The following ADAM12 variants were observed in gnomAD, a reference collection of about 807,000 sequenced individuals.
The protein encoded by ADAM12 is disintegrin and metalloproteinase domain-containing protein 12.
Under a neutral mutation model 106.4 loss-of-function variants are expected in ADAM12, and 70 were observed. That is an observed-to-expected ratio of 0.66 (90% CI 0.54 to 0.80). ADAM12 has a LOEUF of 0.80. Ranked by LOEUF, ADAM12 falls within the 30% of genes least tolerant of loss-of-function variation. ADAM12 has a pLI of 0.00. For synonymous variants in ADAM12, 420 were observed against 433.5 expected (o/e 0.97, Z 0.39); for missense variants, 1,010 against 1,171.9 (o/e 0.86, Z 2.02).
intron 8 of ADAM12, among the ~76,000 whole-genome samples, chr10:126,104,101 G>A (rs1209981992): frequency 2.0e-5 from 3 of 152,208 alleles, no homozygotes; most frequent in South Asian, 4.1e-4. Flanking sequence ...CAGGCAACTG[G>A]TTTGGGACAG....
chr10:126,282,467 T>C (rs909338652), intron 2 of ADAM12, among the ~76,000 whole-genome samples: 1 of 152,206 alleles, frequency 6.6e-6, no homozygotes, highest in Non-Finnish European at 1.5e-5. Context: ...TTAATCATTA[T>C]CTTGATTTCC....
chr10:126,131,219 C>A (rs12248384), intron 5 of ADAM12, among the ~76,000 whole-genome samples: 28,067 of 150,168 alleles, frequency 0.19, 2,782 homozygotes, highest in Middle Eastern at 0.31. Flanking sequence ...TTCCCTCAAC[C>A]TGGTCCAGGA....
At chr10:126,035,588 CCCTT>C (rs767330181) in intron 21 of ADAM12, among the ~76,000 whole-genome samples, 5 of 152,266 alleles carry the variant, frequency 3.3e-5, no homozygotes, top group South Asian at 2.1e-4. Context: ...GTTTTCTCCT[CCCTT>C]CAAGTTTTCT....
At chr10:126,132,549 T>C (rs1956327265) in intron 5 of ADAM12, among the ~76,000 whole-genome samples, 1 of 132,532 alleles carries the variant, frequency 7.5e-6, no homozygotes, top group Admixed American at 7.9e-5. Flanking sequence ...ACTAGTCCAG[T>C]CCCAGAATCA....
intron 11 of ADAM12, among the ~76,000 whole-genome samples, chr10:126,090,005 G>T (rs915396492): frequency 6.6e-6 from 1 of 151,988 alleles, no homozygotes; most frequent in South Asian, 2.1e-4. Flanking sequence ...GCCCATGCTG[G>T]TCTTGAACTC....
In ADAM12 at chr10:126,105,779, C is replaced by G. The variant is rs183730333; in HGVS notation, c.741+2814G>C. ...CCTCTAAGACCCACCCTTCATCCCC[C>G]CTGCCAGGATTTGCCTTTCACCAGG... On this transcript the variant is annotated intron_variant, in intron 8 of 22. Coordinates refer to ENST00000448723, the MANE Select transcript of ADAM12 (RefSeq NM_001288973.2). Among the ~76,000 whole-genome samples, 63 of 152,342 alleles carry G rather than the reference C, an allele frequency of 4.1e-4. 1 individual carries two copies. The East Asian group carries it at 0.012, about 28-fold the overall frequency.
At chr10:126,326,585 T>C (rs1055072741) in intron 2 of ADAM12, among the ~76,000 whole-genome samples, 39 of 152,092 alleles carry the variant, frequency 2.6e-4, no homozygotes, top group Non-Finnish European at 8.8e-5. Flanking sequence ...TCCTGGACAG[T>C]TGCACTGGAT....
At chr10:126,269,582 ACAGCCACTAAGATGGCAT>A (rs765399791) in intron 3 of ADAM12, among the ~76,000 whole-genome samples, 9 of 152,286 alleles carry the variant, frequency 5.9e-5, no homozygotes, top group Non-Finnish European at 1.0e-4. Context: ...AGGTGCAATG[ACAGCCACTAAGATGGCAT>A]CAGCCTCTCC....
intron 21 of ADAM12, among the ~76,000 whole-genome samples, chr10:126,035,834 C>T (rs764630761): frequency 3.9e-5 from 6 of 152,122 alleles, no homozygotes; most frequent in Non-Finnish European, 5.9e-5. Flanking sequence ...TTTTACTGTA[C>T]AGGCCTAATT....
At chr10:126,161,249 A>C (rs1021699908) in intron 3 of ADAM12, among the ~76,000 whole-genome samples, 2 of 152,178 alleles carry the variant, frequency 1.3e-5, no homozygotes, top group Non-Finnish European at 2.9e-5. Flanking sequence ...ACCCTGGTCC[A>C]GGTACTGTGC....
At chr10:126,101,969 G>A (rs564426357) in intron 8 of ADAM12, among the ~76,000 whole-genome samples, 1 of 152,214 alleles carries the variant, frequency 6.6e-6, no homozygotes, top group East Asian at 1.9e-4. Flanking sequence ...CTGAAAGCAA[G>A]ACTTCTCACT....
At chr10:126,121,137 A>ATAGTATATATAGTATATATAGT (rs369000232) in intron 5 of ADAM12, among the ~76,000 whole-genome samples, 595 of 28,506 alleles carry the variant, frequency 0.021, 11 homozygotes, top group African/African-American at 0.063. Flanking sequence ...TATACTATAT[A>ATAGTATATATAGTATATATAGT]CTATATATAC....
At chr10:126,312,024 A>T (rs1278459686) in intron 2 of ADAM12, among the ~76,000 whole-genome samples, 2 of 149,874 alleles carry the variant, frequency 1.3e-5, no homozygotes, top group East Asian at 4.1e-4. Context: ...ATCTTGTGGG[A>T]TGGAACCCTT....
At chr10:126,082,985 T>G (rs12571175) in intron 11 of ADAM12, among the ~76,000 whole-genome samples, 28,121 of 152,190 alleles carry the variant, frequency 0.18, 3,324 homozygotes, top group South Asian at 0.33. Context: ...CACACAGAAT[T>G]TATGTGCAAC....
chr10:126,192,965 C>A (rs569754480), intron 3 of ADAM12, among the ~76,000 whole-genome samples: 5 of 152,244 alleles, frequency 3.3e-5, no homozygotes, highest in Admixed American at 6.5e-5. Context: ...ATTTTTTAAT[C>A]TTTTTGAAAA....
chr10:126,227,866 A>T (rs1958229519), intron 3 of ADAM12, among the ~76,000 whole-genome samples: 2 of 152,164 alleles, frequency 1.3e-5, no homozygotes, highest in Non-Finnish European at 2.9e-5. Flanking sequence ...GGGAGTGGAG[A>T]GGACAGTGAG....
At chr10:126,027,818 C>T (rs1953903196) in intron 21 of ADAM12, among the ~76,000 whole-genome samples, 2 of 152,168 alleles carry the variant, frequency 1.3e-5, no homozygotes. Flanking sequence ...TCTCTCACCA[C>T]TCCTAGTCAA....
chr10:126,241,244 C>G (rs1958517782), intron 3 of ADAM12, among the ~76,000 whole-genome samples: 1 of 152,178 alleles, frequency 6.6e-6, no homozygotes, highest in Non-Finnish European at 1.5e-5. Flanking sequence ...TAGGAAGTGA[C>G]TTTAACAGGT....
At chr10:126,017,530 A>C (rs913901014) in intron 22 of ADAM12, among the ~76,000 whole-genome samples, 191 bp from the exon 23 acceptor site, 1 of 152,182 alleles carries the variant, frequency 6.6e-6, no homozygotes, top group Non-Finnish European at 1.5e-5. Context: ...TCAACTCTAG[A>C]CCAGCACTGT....
Sources: gnomAD v4.1 joint callset for allele counts (sites outside exome capture counted in the v4.1 genomes callset) on GRCh38, gnomAD v4.1.1 for gene constraint, MANE v1.5 for transcripts, NCBI Gene and HGNC (gene_info 2026-07-23, HGNC 2026-07-21) for gene names.